MACROD2: variants seen among roughly 807,000 people sequenced by gnomAD.
MACROD2 encodes the protein ADP-ribose glycohydrolase MACROD2.
A neutral mutation model predicts 70.4 loss-of-function variants in MACROD2; 36 were observed. That is an observed-to-expected ratio of 0.51 (90% confidence interval 0.39 to 0.68). The LOEUF (loss-of-function observed/expected upper bound fraction) is 0.68. MACROD2 is among the 30% of genes least tolerant of loss of function. The pLI, the probability that MACROD2 is intolerant of heterozygous loss-of-function variation, is 0.00. For synonymous variants in MACROD2, 172 were observed against 178.8 expected (o/e 0.96, Z 0.30); for missense variants, 496 against 538.4 (o/e 0.92, Z 0.78).
chr20:14,275,230 A>G (rs1391921867), intron 3 of MACROD2, among the ~76,000 whole-genome samples: 1 of 152,204 alleles, frequency 6.6e-6, no homozygotes, highest in Non-Finnish European at 1.5e-5. Flanking sequence ...ACTTCAAACT[A>G]TACTACAAGG....
chr20:15,102,043 ATAAGT>A (rs549252602), intron 5 of MACROD2, among the ~76,000 whole-genome samples: 31 of 152,212 alleles, frequency 2.0e-4, no homozygotes, highest in Middle Eastern at 6.8e-3. Context: ...CACAAACAAA[ATAAGT>A]TAAGCCACAG....
intron 5 of MACROD2, among the ~76,000 whole-genome samples, chr20:15,013,642 C>T (rs1022499339): frequency 1.3e-5 from 2 of 152,108 alleles, no homozygotes; most frequent in Non-Finnish European, 2.9e-5. Context: ...CCATCTTCAG[C>T]GTTCCTTCTA....
chr20:15,698,911 C>G (rs907689015), intron 8 of MACROD2, among the ~76,000 whole-genome samples: 3 of 152,140 alleles, frequency 2.0e-5, no homozygotes, highest in Admixed American at 2.0e-4. Flanking sequence ...AAAGTGCATC[C>G]AAAGCTTCCT....
At chr20:14,500,032 C>T (rs937010537) in intron 4 of MACROD2, among the ~76,000 whole-genome samples, 1 of 152,116 alleles carries the variant, frequency 6.6e-6, no homozygotes, top group Non-Finnish European at 1.5e-5. Flanking sequence ...GGGAAGGCTT[C>T]CCAGAAGAGG....
chr20:15,642,326 A>G (rs1189659791), intron 8 of MACROD2, among the ~76,000 whole-genome samples: 2 of 152,102 alleles, frequency 1.3e-5, no homozygotes, highest in Admixed American at 1.3e-4. Flanking sequence ...AAACAATTAC[A>G]AGCATCATAA....
In MACROD2 at chr20:15,771,353, A is replaced by T. The variant is rs757246578; in HGVS notation, c.646-91392A>T. 3.3e-3 allele frequency among the ~76,000 whole-genome samples: 370 copies of T among 111,470 alleles called. 1 individual carries two copies. Among genetic ancestry groups the T allele is most frequent in the East Asian group, 6.9e-3 (33 of 4,806 alleles). The allele number at this position is 111,470 out of a possible 152,430, so 73.1% of individuals were successfully genotyped here. A position where few individuals can be genotyped will look rare whatever the true frequency, so the allele number is the denominator to read the frequency against. On this transcript the variant is annotated intron_variant, in intron 8 of 17. Coordinates refer to ENST00000684519, the MANE Select transcript of MACROD2 (RefSeq NM_001351661.2). ...CCACACCTGGCTAATTATTATTATTATTTTTTTTTTGTAAAGATGGGATTT... is the reference window on the plus strand; with the variant it reads ...CCACACCTGGCTAATTATTATTATTTTTTTTTTTTTGTAAAGATGGGATTT...
intron 5 of MACROD2, among the ~76,000 whole-genome samples, chr20:14,841,514 T>G (rs939880000): frequency 7.7e-6 from 1 of 130,358 alleles, no homozygotes; most frequent in Non-Finnish European, 1.7e-5. Context: ...ACCTTTCAAG[T>G]AGATGTTTTC....
chr20:14,162,711 A>G (rs1410920061), intron 3 of MACROD2, among the ~76,000 whole-genome samples: 2 of 151,488 alleles, frequency 1.3e-5, no homozygotes, highest in Non-Finnish European at 2.9e-5. Context: ...CATGGAATAT[A>G]TTTTTTCCAT....
At chr20:15,478,184 G>T (rs1349256773) in intron 7 of MACROD2, among the ~76,000 whole-genome samples, 1 of 152,146 alleles carries the variant, frequency 6.6e-6, no homozygotes, top group Admixed American at 6.5e-5. Context: ...CCAATAGAAG[G>T]GTTCATTTTT....
At chr20:15,474,330 A>G (rs2046995077) in intron 7 of MACROD2, among the ~76,000 whole-genome samples, 1 of 152,160 alleles carries the variant, frequency 6.6e-6, no homozygotes, top group Non-Finnish European at 1.5e-5. Context: ...ATTATCCCTT[A>G]GGATGAAATT....
intron 2 of MACROD2, among the ~76,000 whole-genome samples, chr20:14,004,654 GT>G (rs1276456874): frequency 3.9e-5 from 6 of 152,108 alleles, no homozygotes; most frequent in Admixed American, 2.6e-4. Flanking sequence ...TGTTTTAACA[GT>G]TTAAAAATCC....
At chr20:14,954,452 A>G (rs183858945) in intron 5 of MACROD2, among the ~76,000 whole-genome samples, 2 of 145,708 alleles carry the variant, frequency 1.4e-5, no homozygotes, top group East Asian at 2.0e-4. Context: ...TGTAATCTGT[A>G]AAATGGAATT....
intron 9 of MACROD2, among the ~76,000 whole-genome samples, chr20:15,873,721 G>A (rs1260601112): frequency 6.6e-6 from 1 of 151,908 alleles, no homozygotes; most frequent in African/African-American, 2.4e-5. Flanking sequence ...GAAAAGGGAA[G>A]ATGAAAGGAC....
At chr20:15,451,754 A>C (rs561699881) in intron 7 of MACROD2, among the ~76,000 whole-genome samples, 2 of 152,138 alleles carry the variant, frequency 1.3e-5, no homozygotes, top group Non-Finnish European at 2.9e-5. Context: ...AGACTGAACA[A>C]GGGGACGCTG....
At chr20:14,926,565 C>A (rs1446322298) in intron 5 of MACROD2, among the ~76,000 whole-genome samples, 2 of 150,066 alleles carry the variant, frequency 1.3e-5, no homozygotes, top group African/African-American at 4.9e-5. Flanking sequence ...AAAAAGGAAG[C>A]ATTATGTTTG....
chr20:15,219,956 GA>G lies in MACROD2; in HGVS notation c.419-9968del, dbSNP rs11482499. Among the ~76,000 whole-genome samples the G allele has an allele frequency of 4.7e-3, 501 of 106,734 alleles. 3 individuals are homozygous for G. Among genetic ancestry groups the G allele is most frequent in the Middle Eastern group, 0.021 (4 of 194 alleles). 70.0% of individuals were successfully genotyped at this position (106,734 alleles called of 152,430 possible). A position where few individuals can be genotyped will look rare whatever the true frequency, so the allele number is the denominator to read the frequency against. ...GAATGCACTTATTTAATCATCTCCT[GA>G]AAAAAAAAAAAAAAAGGCAAAGGGA... On this transcript the variant is annotated intron_variant, in intron 5 of 17. Transcript: ENST00000684519.
intron 8 of MACROD2, among the ~76,000 whole-genome samples, chr20:15,589,759 A>G (rs73614422): frequency 6.6e-6 from 1 of 152,174 alleles, no homozygotes; most frequent in Admixed American, 6.5e-5. Flanking sequence ...AATGTCATAT[A>G]GTTGGAACCA....
intron 5 of MACROD2, among the ~76,000 whole-genome samples, chr20:15,171,346 C>T (rs999921931): frequency 2.6e-5 from 4 of 151,292 alleles, no homozygotes; most frequent in East Asian, 2.0e-4. Context: ...CCAAATTTGC[C>T]CCTCCATCTC....
intron 2 of MACROD2, among the ~76,000 whole-genome samples, chr20:14,065,296 G>A (rs111686628): frequency 0.019 from 2,952 of 152,186 alleles, 39 homozygotes; most frequent in Non-Finnish European, 0.033. Flanking sequence ...AGTCTCTCTC[G>A]CAATTTCTTT....
Sources: gnomAD v4.1 joint callset for allele counts (sites outside exome capture counted in the v4.1 genomes callset) on GRCh38, gnomAD v4.1.1 for gene constraint, MANE v1.5 for transcripts, NCBI Gene and HGNC (gene_info 2026-07-23, HGNC 2026-07-21) for gene names.